IGSF10: variants seen among roughly 807,000 people sequenced by gnomAD.
IGSF10 encodes the protein immunoglobulin superfamily member 10.
A neutral mutation model predicts 128.2 loss-of-function variants in IGSF10; 126 were observed. The observed-to-expected ratio is 0.98, with a 90% CI of 0.85 to 1.14. The LOEUF (loss-of-function observed/expected upper bound fraction) is 1.14. Ranked by LOEUF, IGSF10 falls within the 50% of genes most tolerant of loss-of-function variation. The pLI is 0.00. For missense variants in IGSF10, 3,295 were observed against 3,149.8 expected (o/e 1.05, Z -1.10); for synonymous variants, 1,185 against 1,146.2 (o/e 1.03, Z -0.68).
At chr3:151,572,542 T>C in the IGSF10 span, among the ~76,000 whole-genome samples, 3 of 152,354 alleles carry the variant, frequency 2.0e-5, no homozygotes, top group South Asian at 6.2e-4. Flanking sequence ...TGATAGTTTG[T>C]ATTTCTGTGG....
At chr3:151,464,626 C>T (rs1052858515), upstream of IGSF10, among the ~76,000 whole-genome samples, 18 of 152,148 alleles carry the variant, frequency 1.2e-4, no homozygotes, top group African/African-American at 4.1e-4. Flanking sequence ...TAACCAAATG[C>T]CAAAATTGTT....
At chr3:151,586,629 C>T in the IGSF10 span, among the ~76,000 whole-genome samples, 1 of 152,206 alleles carries the variant, frequency 6.6e-6, no homozygotes, top group African/African-American at 2.4e-5. Flanking sequence ...TCTTTATCTC[C>T]CCTTGAAATT....
At chr3:151,505,438 C>G in the IGSF10 span, among the ~76,000 whole-genome samples, 5 of 152,032 alleles carry the variant, frequency 3.3e-5, no homozygotes, top group Admixed American at 3.3e-4. Context: ...ATTATGGGAA[C>G]AATTCAATGA....
the IGSF10 span, among the ~76,000 whole-genome samples, chr3:151,526,474 C>T: frequency 2.6e-5 from 4 of 151,848 alleles, no homozygotes; most frequent in Non-Finnish European, 4.4e-5. Flanking sequence ...TTTTTAATAA[C>T]TTTTTAAACT....
chr3:151,602,970 ACTTGT>A, the IGSF10 span, among the ~76,000 whole-genome samples: 2 of 152,232 alleles, frequency 1.3e-5, no homozygotes, highest in African/African-American at 4.8e-5. Context: ...AGCAAAACTC[ACTTGT>A]CTTGTTTTCT....
At chr3:151,441,799 T>C (rs138216107) in intron 7 of IGSF10, among the ~76,000 whole-genome samples, 7,099 of 152,296 alleles carry the variant, frequency 0.047, 161 homozygotes, top group South Asian at 0.13. Flanking sequence ...CGGTGGCTCA[T>C]GCCTGTAATC....
the IGSF10 span, among the ~76,000 whole-genome samples, chr3:151,512,985 C>CA: frequency 2.0e-5 from 3 of 151,896 alleles, no homozygotes; most frequent in Non-Finnish European, 4.4e-5. Flanking sequence ...GCTTACCAAC[C>CA]AAAAAAAGTC....
rs370254145 is a variant in IGSF10, at chr3:151,447,817, G to A, written c.2164C>T (p.Arg722Trp). The change falls in exon 6 of 8, where the codon CGG becomes TGG. Residue 722 changes from arginine (R) to tryptophan (W), a missense_variant. By Grantham distance (101) the Arg-to-Trp change is moderately radical (BLOSUM62 -3). Transcript: ENST00000282466. ...TSSTSKRHNYRELTLQRRGDS... is the reference protein window; with the variant it reads ...TSSTSKRHNYWELTLQRRGDS... ...CCACGTCGCTGGAGTGTTAATTCCC[G>A]ATAGTTGTGCCTCTTACTTGTGCTT... 21 of 1,614,122 alleles carry A rather than the reference G, an allele frequency of 1.3e-5. No individual in the cohort carries two copies. The highest frequency in any genetic ancestry group is 6.7e-5 in the African/African-American group (5 of 75,004).
chr3:151,551,311 G>T, the IGSF10 span, among the ~76,000 whole-genome samples: 1 of 151,846 alleles, frequency 6.6e-6, no homozygotes, highest in Admixed American at 6.6e-5. Flanking sequence ...CCCTCAATAT[G>T]TGGGGGATTG....
chr3:151,575,322 C>T, the IGSF10 span, among the ~76,000 whole-genome samples: 6 of 152,276 alleles, frequency 3.9e-5, no homozygotes, highest in African/African-American at 1.4e-4. Flanking sequence ...TATGCCCTGC[C>T]CCTAGAAGTG....
chr3:151,617,659 T>G, the IGSF10 span, among the ~76,000 whole-genome samples: 1 of 151,952 alleles, frequency 6.6e-6, no homozygotes. Flanking sequence ...ATGAATCTAC[T>G]TGTATGGGAG....
the IGSF10 span, among the ~76,000 whole-genome samples, chr3:151,506,098 C>A: frequency 2.0e-5 from 3 of 152,228 alleles, no homozygotes; most frequent in Middle Eastern, 3.4e-3. Context: ...ACTACAGGCA[C>A]ACGCCACTAC....
chr3:151,488,980 T>C, the IGSF10 span, among the ~76,000 whole-genome samples: 4 of 152,146 alleles, frequency 2.6e-5, no homozygotes, highest in Admixed American at 1.3e-4. Flanking sequence ...AAATGGGATC[T>C]AATTAAACTA....
the IGSF10 span, among the ~76,000 whole-genome samples, chr3:151,595,779 C>A: frequency 6.9e-6 from 1 of 144,584 alleles, no homozygotes; most frequent in Admixed American, 6.9e-5. Flanking sequence ...AAGGTGGTTA[C>A]TAGGGGAAGG....
At chr3:151,506,741 C>T in the IGSF10 span, among the ~76,000 whole-genome samples, 1,826 of 152,046 alleles carry the variant, frequency 0.012, 95 homozygotes, top group East Asian at 0.17. Flanking sequence ...AGAGTTGTCC[C>T]TTTAGAAATG....
the IGSF10 span, among the ~76,000 whole-genome samples, chr3:151,509,283 C>A: frequency 6.6e-6 from 1 of 152,164 alleles, no homozygotes; most frequent in South Asian, 2.1e-4. Context: ...TCAGCCAATA[C>A]TAAATTGTTT....
the IGSF10 span, among the ~76,000 whole-genome samples, chr3:151,601,862 A>G: frequency 6.6e-6 from 1 of 152,204 alleles, no homozygotes; most frequent in African/African-American, 2.4e-5. Context: ...AAGCTCTGAC[A>G]TGTCTCCATG....
chr3:151,579,859 G>GAA, the IGSF10 span, among the ~76,000 whole-genome samples: 22 of 100,594 alleles, frequency 2.2e-4, no homozygotes, highest in East Asian at 8.7e-4. Context: ...AGGGAGGAGG[G>GAA]AGGAAGGGAG....
the IGSF10 span, among the ~76,000 whole-genome samples, chr3:151,537,654 T>A: frequency 0.012 from 1,815 of 152,312 alleles, 89 homozygotes; most frequent in East Asian, 0.17. Flanking sequence ...TGTAATGGCC[T>A]GTTATTGACA....
Sources: allele counts gnomAD v4.1 joint callset (sites outside exome capture counted in the v4.1 genomes callset), GRCh38; gene constraint gnomAD v4.1.1; transcripts MANE v1.5; gene names NCBI Gene and HGNC (gene_info 2026-07-23, HGNC 2026-07-21).